The following HYCC2 variants were observed in gnomAD, a reference collection of about 807,000 sequenced individuals.
HYCC2 encodes the protein hyccin 2.
the HYCC2 span, chr2:201,063,788 G>C: frequency 6.3e-7 from 1 of 1,591,242 alleles, no homozygotes; most frequent in Non-Finnish European, 8.5e-7. Flanking sequence ...CAGCCGTGGT[G>C]GTGGTGGATA....
chr2:200,994,439 G>C, the HYCC2 span, among the ~76,000 whole-genome samples: 1 of 152,112 alleles, frequency 6.6e-6, no homozygotes, highest in African/African-American at 2.4e-5. Flanking sequence ...GTTTCACTAT[G>C]TTGGCCAGGC....
chr2:201,048,234 C>A, the HYCC2 span, among the ~76,000 whole-genome samples: 14 of 151,164 alleles, frequency 9.3e-5, no homozygotes, highest in African/African-American at 3.4e-4. Flanking sequence ...ACCATTACAA[C>A]AAAATTATAT....
the HYCC2 span, among the ~76,000 whole-genome samples, chr2:201,062,370 C>T: frequency 6.6e-6 from 1 of 151,872 alleles, no homozygotes; most frequent in Non-Finnish European, 1.5e-5. Flanking sequence ...AAAATGAGGC[C>T]GGGCGCGGTG....
the HYCC2 span, chr2:200,996,173 G>A: frequency 3.3e-5 from 5 of 151,904 alleles, no homozygotes; most frequent in African/African-American, 1.2e-4. Flanking sequence ...TGGGATTATA[G>A]GCATGCGCTA....
the HYCC2 span, among the ~76,000 whole-genome samples, chr2:201,035,007 C>T: frequency 1.3e-5 from 2 of 152,170 alleles, no homozygotes; most frequent in African/African-American, 2.4e-5. Context: ...GTGGGCAACC[C>T]GACCTTTCTC....
the HYCC2 span, among the ~76,000 whole-genome samples, chr2:201,047,472 A>G: frequency 6.6e-6 from 1 of 151,152 alleles, no homozygotes; most frequent in Non-Finnish European, 1.5e-5. Flanking sequence ...ATATACACAC[A>G]CACATATAAA....
chr2:201,037,680 G>C, the HYCC2 span, among the ~76,000 whole-genome samples: 6 of 152,170 alleles, frequency 3.9e-5, no homozygotes, highest in Admixed American at 2.6e-4. Flanking sequence ...GGGAAAACTG[G>C]CTAGCCATAA....
At chr2:201,008,122 G>T in the HYCC2 span, among the ~76,000 whole-genome samples, 1 of 152,066 alleles carries the variant, frequency 6.6e-6, no homozygotes, top group African/African-American at 2.4e-5. Flanking sequence ...GTTTGGTTTT[G>T]GGAACTCCCA....
chr2:201,028,597 T>C, the HYCC2 span, among the ~76,000 whole-genome samples: 1 of 152,194 alleles, frequency 6.6e-6, no homozygotes, highest in African/African-American at 2.4e-5. Context: ...AACAGCATGG[T>C]ACTGGTACCA....
chr2:201,009,829 C>T, the HYCC2 span, among the ~76,000 whole-genome samples: 5 of 151,530 alleles, frequency 3.3e-5, no homozygotes, highest in East Asian at 2.0e-4. Context: ...CCAGGCCAGG[C>T]GCGGTGGCTC....
the HYCC2 span, chr2:201,071,320 G>GCCCCT: frequency 1.3e-5 from 2 of 152,430 alleles, no homozygotes; most frequent in East Asian, 3.9e-4. Context: ...CCTTGCTCCC[G>GCCCCT]CCTCTCCTCC....
chr2:201,050,553 C>T, the HYCC2 span, among the ~76,000 whole-genome samples: 1 of 150,170 alleles, frequency 6.7e-6, no homozygotes, highest in Admixed American at 6.6e-5. Context: ...GATCACGCCA[C>T]TGCACTCCAG....
At chr2:201,005,986 A>G in the HYCC2 span, among the ~76,000 whole-genome samples, 2 of 152,008 alleles carry the variant, frequency 1.3e-5, no homozygotes, top group Non-Finnish European at 2.9e-5. Flanking sequence ...GGCATGCGCC[A>G]CCACGCCTGG....
the HYCC2 span, among the ~76,000 whole-genome samples, chr2:201,049,105 C>A: frequency 6.8e-6 from 1 of 147,118 alleles, no homozygotes; most frequent in Admixed American, 6.9e-5. Context: ...ACCTTGGCAA[C>A]TGAGTAAGAC....
At chr2:201,068,867 A>C in the HYCC2 span, among the ~76,000 whole-genome samples, 1 of 152,194 alleles carries the variant, frequency 6.6e-6, no homozygotes, top group Non-Finnish European at 1.5e-5. Context: ...ATCCCAAGAA[A>C]AGAACATAGG....
chr2:201,048,362 C>T, the HYCC2 span, among the ~76,000 whole-genome samples: 1 of 151,698 alleles, frequency 6.6e-6, no homozygotes, highest in Non-Finnish European at 1.5e-5. Context: ...ACATATAAAC[C>T]CAACTATATT....
the HYCC2 span, among the ~76,000 whole-genome samples, chr2:201,061,135 TA>T: frequency 3.6e-3 from 521 of 143,548 alleles, 3 homozygotes; most frequent in South Asian, 0.013. Context: ...TTGTTCAAAT[TA>T]AAAAAAAAAA....
chr2:201,051,913 G>C, the HYCC2 span, among the ~76,000 whole-genome samples: 1 of 152,162 alleles, frequency 6.6e-6, no homozygotes, highest in East Asian at 1.9e-4. Context: ...CTAATACTAA[G>C]GAAGGAGAAA....
the HYCC2 span, among the ~76,000 whole-genome samples, chr2:201,042,759 G>A: frequency 3.3e-5 from 5 of 149,274 alleles, no homozygotes; most frequent in East Asian, 2.1e-4. Context: ...GCCCCCGCCC[G>A]CCGCCCCGTC....
Sources: gnomAD v4.1 joint callset for allele counts (sites outside exome capture counted in the v4.1 genomes callset) on GRCh38, gnomAD v4.1.1 for gene constraint, MANE v1.5 for transcripts, NCBI Gene and HGNC (gene_info 2026-07-23, HGNC 2026-07-21) for gene names.